Variants in SLC39A10 observed in about 807,000 individuals in gnomAD.
The protein encoded by SLC39A10 is solute carrier family 39 member 10.
SLC39A10 carries 13 observed loss-of-function variants against 65.1 expected under a neutral mutation model. The ratio of observed to expected loss-of-function variants is 0.20; its 90% CI spans 0.13 to 0.32. SLC39A10 has a LOEUF of 0.32. Ranked by LOEUF, SLC39A10 falls within the 10% of genes least tolerant of loss-of-function variation. SLC39A10 has a pLI of 1.00. For synonymous variants in SLC39A10, 321 were observed against 342.2 expected, an observed-to-expected ratio of 0.94 and a Z score of 0.68; for missense variants, 831 against 1,018.4, an observed-to-expected ratio of 0.82 and a Z score of 2.50.
intron 1 of SLC39A10, among the ~76,000 whole-genome samples, chr2:195,678,614 A>G (rs1182013206): frequency 2.8e-5 from 4 of 145,088 alleles, no homozygotes; most frequent in Non-Finnish European, 6.0e-5. Flanking sequence ...TCTTAATTTC[A>G]GTGTAATATA....
Position 195,699,690 on chromosome 2 carries a change from G to A in SLC39A10, c.1217-6926G>A, listed in dbSNP as rs73987256. ...TTAAATCTCTTGAGACTTAATTTGC[G>A]ACCTAATACATGGTCTATCCTGGAA... On this transcript the variant is annotated intron_variant, in intron 3 of 9. Coordinates refer to ENST00000359634, the MANE Select transcript of SLC39A10 (RefSeq NM_020342.3). 2.3e-3 allele frequency among the ~76,000 whole-genome samples: 345 copies of A among 152,052 alleles called. 3 individuals are homozygous for A. The highest frequency in any genetic ancestry group is 8.0e-3 in the African/African-American group (332 of 41,498).
Position 195,728,013 on chromosome 2 carries a change from A to T in SLC39A10, c.2147-146A>T. 1.4e-6 allele frequency: 1 copy of T among 726,296 alleles called. No homozygotes were observed. Among genetic ancestry groups the T allele is most frequent in the Non-Finnish European group, 2.1e-6 (1 of 465,212 alleles). The allele number at this position is 726,296 out of a possible 1,614,324, so 45.0% of individuals were successfully genotyped here. A position where few individuals can be genotyped will look rare whatever the true frequency, so the allele number is the denominator to read the frequency against. The stretch of plus-strand genomic sequence containing the variant: ...CAAGTTTTTGCATGCATTATGGTTT[A>T]ATAAGTAAAATATTTTATATATCAC... On this transcript the variant is annotated intron_variant, in intron 8 of 9. Coordinates refer to ENST00000359634, the MANE Select transcript of SLC39A10 (RefSeq NM_020342.3). The surrounding 1 kb of genome is among the most constrained non-coding windows in gnomAD (Gnocchi z 4.4).
intron 1 of SLC39A10, among the ~76,000 whole-genome samples, chr2:195,672,244 C>T (rs183409395): frequency 1.1e-3 from 160 of 152,180 alleles, no homozygotes; most frequent in African/African-American, 3.7e-3. Context: ...AATCCTCCCA[C>T]CTTAGCCTGT....
chr2:195,641,171 T>C (rs1244956448), intron 2 of SLC39A10, among the ~76,000 whole-genome samples: 1 of 152,154 alleles, frequency 6.6e-6, no homozygotes, highest in East Asian at 1.9e-4. Context: ...AAGATACATG[T>C]GTAAGTGTAT....
intron 2 of SLC39A10, among the ~76,000 whole-genome samples, chr2:195,641,897 G>C (rs1688818407): frequency 6.6e-6 from 1 of 152,186 alleles, no homozygotes; most frequent in African/African-American, 2.4e-5. Flanking sequence ...TCACCATGTT[G>C]ACCAGCCTGG....
intron 9 of SLC39A10, among the ~76,000 whole-genome samples, chr2:195,729,743 T>C (rs923264889): frequency 3.3e-5 from 5 of 152,120 alleles, no homozygotes; most frequent in African/African-American, 1.2e-4. Context: ...TAGTTCCAAC[T>C]TCCCCTTTAG....
intron 1 of SLC39A10, among the ~76,000 whole-genome samples, chr2:195,679,220 G>C (rs1270553690): frequency 2.0e-5 from 3 of 151,040 alleles, no homozygotes; most frequent in African/African-American, 7.3e-5. Context: ...TTATGTTCAG[G>C]AGCTATTAGC....
chr2:195,656,036 C>T (rs2105717847), upstream of SLC39A10, among the ~76,000 whole-genome samples: 1 of 152,204 alleles, frequency 6.6e-6, no homozygotes, highest in South Asian at 2.1e-4. Context: ...CCTACCTCAC[C>T]GTGTTATGGT....
chr2:195,713,552 C>A lies in SLC39A10; in HGVS notation c.1695C>A (p.Ala565=), dbSNP rs747335261. The change falls in exon 6 of 10, where the codon GCC becomes GCA. Residue 565 remains alanine (A), a splice_region_variant and synonymous_variant. Coordinates refer to ENST00000359634, the MANE Select transcript of SLC39A10 (RefSeq NM_020342.3). The stretch of plus-strand genomic sequence containing the variant: ...ACTGGCTTCAACTCAAGCCTCTTGC[C>A]GGTAGACAGCAATTCTGACTCAAGA... ...DSDWLQLKPL[A]GTDDSVVSED... is the part of the protein sequence containing the mutation. 6.5e-7 allele frequency: 1 copy of A among 1,546,820 alleles called. No homozygotes were observed. The highest frequency in any genetic ancestry group is 8.6e-7 in the Non-Finnish European group (1 of 1,159,834).
At chr2:195,629,996 A>G (rs10167663) in intron 2 of SLC39A10, among the ~76,000 whole-genome samples, 279 of 152,104 alleles carry the variant, frequency 1.8e-3, no homozygotes, top group African/African-American at 6.4e-3. Flanking sequence ...TTGGCCTCCC[A>G]AAGTGCTGGG....
In SLC39A10 at chr2:195,618,573, T is replaced by G. The variant is rs80041530; in HGVS notation, c.-12+12340T>G. On this transcript the variant is annotated intron_variant, in intron 2 of 2. Coordinates refer to the SLC39A10 transcript ENST00000458054. Reference sequence around the variant, plus strand: ...TCCGCTTCATGGTAGGCATGGCCAATTTTTCATGGCACTTTTCCTTACAAT... The same window carrying G: ...TCCGCTTCATGGTAGGCATGGCCAAGTTTTCATGGCACTTTTCCTTACAAT... Among the ~76,000 whole-genome samples the G allele has an allele frequency of 6.6e-5, 10 of 152,338 alleles. No individual in the cohort carries two copies. The East Asian group carries it at 1.9e-3, about 29-fold the overall frequency.
intron 2 of SLC39A10, among the ~76,000 whole-genome samples, chr2:195,621,498 T>C (rs962992713): frequency 1.1e-4 from 17 of 152,340 alleles, no homozygotes; most frequent in Admixed American, 4.6e-4. Flanking sequence ...AAGGACTGTT[T>C]TTATCTTTGT....
intron 2 of SLC39A10, among the ~76,000 whole-genome samples, chr2:195,648,455 A>G (rs1182305790): frequency 6.7e-6 from 1 of 148,782 alleles, no homozygotes; most frequent in Non-Finnish European, 1.5e-5. Context: ...AGGTCGGCCA[A>G]TTGCTTGAGC....
intron 1 of SLC39A10, among the ~76,000 whole-genome samples, chr2:195,659,404 C>CT: frequency 6.6e-6 from 1 of 152,256 alleles, no homozygotes; most frequent in Middle Eastern, 3.4e-3. Flanking sequence ...GAGTAGGCCT[C>CT]AAGTGTCGTA....
At position 195,716,140 on chromosome 2, in the gene SLC39A10, T is replaced by C. The variant is rs183692372; in HGVS notation, c.1697-497T>C. Among the ~76,000 whole-genome samples, 67 of 152,360 alleles carry C rather than the reference T, an allele frequency of 4.4e-4. 1 individual carries two copies. Among genetic ancestry groups the C allele is most frequent in the Non-Finnish European group, 1.2e-4 (8 of 68,030 alleles). On this transcript the variant is annotated intron_variant, in intron 6 of 9. Coordinates refer to ENST00000359634, the MANE Select transcript of SLC39A10 (RefSeq NM_020342.3). ...TGTCAGAGAACGAGGATCTGCACTT[T>C]AAGTACAATTCTGCTCTTTATCATT... is the stretch of plus-strand genomic sequence containing the variant.
intron 2 of SLC39A10, among the ~76,000 whole-genome samples, chr2:195,650,917 TTA>T (rs1689016433): frequency 2.2e-3 from 3 of 1,336 alleles, no homozygotes; most frequent in Non-Finnish European, 2.7e-3. Flanking sequence ...AGAAAGGAGT[TTA>T]AAAAAAAAAA....
Position 195,680,492 on chromosome 2 carries a change from C to A in SLC39A10, c.450C>A (p.Asn150Lys). The change falls in exon 2 of 10, where the codon AAC becomes AAA. Residue 150 changes from asparagine (N) to lysine (K), a missense_variant. Physicochemically the swap from Asn to Lys is moderately conservative, Grantham distance 94. This residue lies in a region of SLC39A10 where 446 missense variants were observed against 499.2 expected (regional missense o/e 0.89). Coordinates refer to ENST00000359634, the MANE Select transcript of SLC39A10 (RefSeq NM_020342.3). ...QTVTSVSTKR[N>K]HKCDPEKETV... The stretch of plus-strand genomic sequence containing the variant: ...TGACCAGTGTATCCACAAAAAGAAA[C>A]CATAAATGTGATCCAGAGAAAGAGA... The A allele has an allele frequency of 3.1e-6, 5 of 1,614,064 alleles. No individual in the cohort carries two copies. Among genetic ancestry groups the A allele is most frequent in the Admixed American group, 1.7e-5 (1 of 60,006 alleles).
rs758191678 is a variant in SLC39A10, at chr2:195,680,294, A to G, written c.252A>G (p.Lys84=). ...NGRLSFFGLE[K]LLTNLGLGER... ...GATTATCCTTTTTTGGTTTGGAGAA[A>G]CTTTTAACAAACTTGGGCCTTGGAG... Residue 84 remains lysine (K), a synonymous_variant, in exon 2 of 10, where the codon AAA becomes AAG. Transcript: ENST00000359634. 1 of 1,614,136 alleles carries G rather than the reference A, an allele frequency of 6.2e-7. No individual in the cohort carries two copies. The highest frequency in any genetic ancestry group is 2.2e-5 in the East Asian group (1 of 44,888).
intron 2 of SLC39A10, among the ~76,000 whole-genome samples, chr2:195,634,659 C>T (rs527986821): frequency 1.3e-5 from 2 of 152,226 alleles, no homozygotes; most frequent in Middle Eastern, 3.4e-3. Flanking sequence ...AACAAAAAAT[C>T]CTTCTAAAAG....
Sources: gnomAD v4.1 joint callset for allele counts (sites outside exome capture counted in the v4.1 genomes callset) on GRCh38, gnomAD v4.1.1 for gene constraint, gnomAD v4.1.1 regional missense constraint, Gnocchi (gnomAD v3.1) non-coding constraint, MANE v1.5 for transcripts, NCBI Gene and HGNC (gene_info 2026-07-23, HGNC 2026-07-21) for gene names.